Variants in HEXB observed in about 807,000 individuals in gnomAD.
HEXB encodes hexosaminidase subunit beta, also known as beta-hexosaminidase subunit beta.
HEXB carries 51 observed loss-of-function variants against 71.2 expected under a neutral mutation model. That is an observed-to-expected ratio of 0.72 (90% CI 0.57 to 0.90). HEXB has a LOEUF of 0.90. HEXB is among the 40% of genes least tolerant of loss of function. The pLI, the probability that HEXB is intolerant of heterozygous loss-of-function variation, is 0.00. For missense variants in HEXB, 617 were observed against 677.0 expected, an observed-to-expected ratio of 0.91 and a Z score of 0.98; for synonymous variants, 266 against 249.3, an observed-to-expected ratio of 1.07 and a Z score of -0.63.
intron 5 of HEXB, among the ~76,000 whole-genome samples, chr5:74,702,230 C>G (rs1749280683): frequency 6.7e-6 from 1 of 149,260 alleles, no homozygotes. Context: ...AGGCGCCCGC[C>G]ACTACGCCTG....
At chr5:74,687,647 T>G (rs1351082479) in intron 1 of HEXB, among the ~76,000 whole-genome samples, 1 of 152,184 alleles carries the variant, frequency 6.6e-6, no homozygotes, top group Non-Finnish European at 1.5e-5. Flanking sequence ...CCAACTCTGA[T>G]CTCAAAGCTG....
intron 9 of HEXB, among the ~76,000 whole-genome samples, chr5:74,717,887 TGTCA>T (rs1749715743): frequency 1.3e-5 from 2 of 152,168 alleles, no homozygotes; most frequent in African/African-American, 2.4e-5. Context: ...ATTTGTGGAT[TGTCA>T]GTAACTGTTA....
intron 4 of HEXB, 119 bp downstream of exon 4, chr5:74,696,858 C>T (rs547972337): frequency 3.4e-5 from 26 of 758,832 alleles, no homozygotes; most frequent in African/African-American, 5.3e-5. Flanking sequence ...TTGTCTTAGC[C>T]GGTAAATGTA....
chr5:74,647,162 T>C (rs2112068688), intron 1 of HEXB, among the ~76,000 whole-genome samples: 1 of 152,304 alleles, frequency 6.6e-6, no homozygotes, highest in East Asian at 1.9e-4. Flanking sequence ...TGTTTTTCTT[T>C]TGAGTACCCC....
At chr5:74,642,443 G>T (rs6888251) in intron 1 of HEXB, among the ~76,000 whole-genome samples, 1 of 152,312 alleles carries the variant, frequency 6.6e-6, no homozygotes, top group African/African-American at 2.4e-5. Context: ...AGACTCCAGA[G>T]ATAGGTGCTG....
intron 1 of HEXB, among the ~76,000 whole-genome samples, chr5:74,665,174 A>G (rs1483509198): frequency 6.6e-6 from 1 of 152,258 alleles, no homozygotes. Context: ...ATAACTTAAG[A>G]GAATATTTTA....
chr5:74,653,379 G>A (rs1050843729), intron 1 of HEXB, among the ~76,000 whole-genome samples: 4 of 152,150 alleles, frequency 2.6e-5, no homozygotes, highest in African/African-American at 9.7e-5. Context: ...ATATAGGTGG[G>A]CAACTTTCCC....
chr5:74,721,083 T>A (rs1263078554), intron 13 of HEXB, 35 bp from the exon 14 acceptor site: 1 of 1,499,990 alleles, frequency 6.7e-7, no homozygotes, highest in Non-Finnish European at 9.3e-7. Flanking sequence ...TCAATCTAAA[T>A]CAATCTAAAA....
At chr5:74,677,413 T>G (rs1306978171) in intron 1 of HEXB, among the ~76,000 whole-genome samples, 1 of 152,042 alleles carries the variant, frequency 6.6e-6, no homozygotes, top group African/African-American at 2.4e-5. Context: ...AAATATCAGT[T>G]TTACTCTCAG....
At chr5:74,651,647 C>T (rs546549867) in intron 1 of HEXB, among the ~76,000 whole-genome samples, 29 of 152,264 alleles carry the variant, frequency 1.9e-4, no homozygotes, top group Middle Eastern at 3.4e-3. Flanking sequence ...CAAGCAAGGA[C>T]GATCATTGAC....
chr5:74,688,798 A>G (rs992820593), intron 1 of HEXB, among the ~76,000 whole-genome samples: 4 of 152,228 alleles, frequency 2.6e-5, no homozygotes, highest in Non-Finnish European at 5.9e-5. Flanking sequence ...TAGGATGTCC[A>G]AAAGTAGGGA....
Position 74,689,348 on chromosome 5 carries a change from G to T in HEXB, c.320G>T (p.Gly107Val). The T allele has an allele frequency of 6.2e-7, 1 of 1,613,272 alleles. No homozygotes were observed. Among genetic ancestry groups the T allele is most frequent in the South Asian group, 1.1e-5 (1 of 91,066 alleles). ...AFRRYHGYIFGFYKWHHEPAE... is the reference protein window; with the variant it reads ...AFRRYHGYIFVFYKWHHEPAE... ...AACAGATATCATGGCTATATTTTTG[G>T]TTTCTACAAGTGGCATCATGAACCT... The change falls in exon 2 of 14, where the codon GGT becomes GTT. Residue 107 changes from glycine (G) to valine (V), a missense_variant. Physicochemically the swap from Gly to Val is moderately radical, Grantham distance 109. Transcript: ENST00000261416.
intron 2 of HEXB, among the ~76,000 whole-genome samples, chr5:74,692,291 A>G (rs1180347960): frequency 6.7e-6 from 1 of 150,072 alleles, no homozygotes; most frequent in Non-Finnish European, 1.5e-5. Context: ...TGAGCCCAGG[A>G]GTTCAAGACC....
At chr5:74,695,925 C>T (rs767786763) in intron 3 of HEXB, among the ~76,000 whole-genome samples, 49 of 151,892 alleles carry the variant, frequency 3.2e-4, no homozygotes, top group African/African-American at 1.2e-3. Flanking sequence ...TTTCTGTTTA[C>T]CATCAGACTT....
intron 1 of HEXB, among the ~76,000 whole-genome samples, chr5:74,668,673 C>T (rs961844249): frequency 3.3e-5 from 5 of 152,186 alleles, no homozygotes; most frequent in African/African-American, 1.2e-4. Context: ...CCAGGGACCT[C>T]CTGCTATAAG....
Position 74,641,091 on chromosome 5 carries a change from G to A in HEXB, c.-377+533G>A, listed in dbSNP as rs1341120441. The A allele has an allele frequency of 6.6e-6, 1 of 152,276 alleles. No homozygotes were observed. The highest frequency in any genetic ancestry group is 1.9e-4 in the East Asian group (1 of 5,164). 9.4% of individuals were successfully genotyped at this position (152,276 alleles called of 1,614,324 possible). A position where few individuals can be genotyped will look rare whatever the true frequency, so the allele number is the denominator to read the frequency against. On this transcript the variant is annotated intron_variant, in intron 1 of 13. Transcript: ENST00000511181. The surrounding 1 kb of genome is among the most constrained non-coding windows in gnomAD (Gnocchi z 4.1). ...TTAATGGACAGCCCCGGATCTGAGG[G>A]ACCCACCTTAGGGGAGCGCAGCCCG...
chr5:74,645,171 T>A (rs1453373786), intron 1 of HEXB, among the ~76,000 whole-genome samples: 3 of 21,850 alleles, frequency 1.4e-4, no homozygotes, highest in Non-Finnish European at 2.4e-4. Flanking sequence ...CTTATGTGTA[T>A]TTTGTGAATT....
intron 1 of HEXB, among the ~76,000 whole-genome samples, chr5:74,655,940 A>G (rs985213189): frequency 6.6e-6 from 1 of 152,340 alleles, no homozygotes; most frequent in African/African-American, 2.4e-5. Context: ...TGACAGTCAC[A>G]TAAATATTCT....
At position 74,655,416 on chromosome 5, in the gene HEXB, G is replaced by A. The variant is rs181941834; in HGVS notation, c.-377+14858G>A. On this transcript the variant is annotated intron_variant, in intron 1 of 13. Transcript: ENST00000511181. ...CAACCTCCATATACCAGATTCATGT[G>A]ATTCTTCTGCCTCAACTTCCTGAGT... Among the ~76,000 whole-genome samples, 21 of 149,668 alleles carry A rather than the reference G, an allele frequency of 1.4e-4. No individual in the cohort carries two copies. The East Asian group carries it at 3.1e-3, about 22-fold the overall frequency.
Sources: gnomAD v4.1 joint callset for allele counts (sites outside exome capture counted in the v4.1 genomes callset) on GRCh38, gnomAD v4.1.1 for gene constraint, Gnocchi (gnomAD v3.1) non-coding constraint, MANE v1.5 for transcripts, NCBI Gene and HGNC (gene_info 2026-07-23, HGNC 2026-07-21) for gene names.